Variants in TM2D1 observed in about 807,000 individuals in gnomAD.
TM2D1 encodes TM2 domain-containing protein 1.
Under a neutral mutation model 28.4 loss-of-function variants are expected in TM2D1, and 15 were observed. That is an observed-to-expected ratio of 0.53 (90% CI 0.35 to 0.81). The LOEUF (loss-of-function observed/expected upper bound fraction) is 0.81, where lower values mean the gene tolerates loss of function less well. TM2D1 is among the 40% of genes least tolerant of loss of function. TM2D1 has a pLI of 0.01. For synonymous variants in TM2D1, 93 were observed against 96.2 expected (o/e 0.97, Z 0.20); for missense variants, 236 against 254.9 (o/e 0.93, Z 0.50).
At chr1:61,684,181 T>C (rs938670782) in intron 5 of TM2D1, among the ~76,000 whole-genome samples, 4 of 152,170 alleles carry the variant, frequency 2.6e-5, no homozygotes, top group Non-Finnish European at 5.9e-5. Context: ...TATGTGACAA[T>C]CTAGTTAACA....
intron 4 of TM2D1, chr1:61,696,282 T>C (rs1281158096): frequency 6.6e-6 from 1 of 152,248 alleles, no homozygotes; most frequent in Non-Finnish European, 1.5e-5. Flanking sequence ...CTCATGCCTA[T>C]AATCCCAGCA....
chr1:61,688,424 T>C (rs1644298617), intron 5 of TM2D1, among the ~76,000 whole-genome samples: 1 of 152,158 alleles, frequency 6.6e-6, no homozygotes, highest in East Asian at 1.9e-4. Flanking sequence ...AGATTTGATG[T>C]CTATAAAATG....
rs111364771 is a variant in TM2D1, at chr1:61,696,653, G to A, written c.440-1883C>T. 3.9e-3 allele frequency among the ~76,000 whole-genome samples: 599 copies of A among 152,148 alleles called. 2 individuals are homozygous for A. Among genetic ancestry groups the A allele is most frequent in the African/African-American group, 0.014 (571 of 41,506 alleles). On this transcript the variant is annotated intron_variant, in intron 4 of 6. Transcript: ENST00000606498. ...ATGAAGAATAGGTAATCACATCAGG[G>A]CTTTGGCTTTTTTTGTGCCATTTTC...
chr1:61,704,980 T>TATTGACAA (rs1427493306), intron 3 of TM2D1, among the ~76,000 whole-genome samples: 4 of 152,166 alleles, frequency 2.6e-5, no homozygotes, highest in Admixed American at 2.6e-4. Context: ...TAAACACTCC[T>TATTGACAA]TTGATATATT....
At chr1:61,719,499 T>A (rs536475647) in intron 2 of TM2D1, among the ~76,000 whole-genome samples, 1 of 151,854 alleles carries the variant, frequency 6.6e-6, no homozygotes, top group South Asian at 2.1e-4. Flanking sequence ...TTTTTTGTTT[T>A]TGTTTGTTTT....
chr1:61,689,651 G>A (rs1644309950), intron 5 of TM2D1, among the ~76,000 whole-genome samples: 1 of 152,072 alleles, frequency 6.6e-6, no homozygotes, highest in South Asian at 2.1e-4. Flanking sequence ...GAAACTATAG[G>A]CACTCATCTG....
chr1:61,710,926 T>C (rs1001961833), intron 2 of TM2D1, among the ~76,000 whole-genome samples: 3 of 152,194 alleles, frequency 2.0e-5, no homozygotes, highest in Non-Finnish European at 4.4e-5. Context: ...CTGATAGTTC[T>C]AACTACATTA....
At chr1:61,711,023 GA>G (rs1644474649) in intron 2 of TM2D1, among the ~76,000 whole-genome samples, 1 of 152,084 alleles carries the variant, frequency 6.6e-6, no homozygotes, top group South Asian at 2.1e-4. Context: ...ATAAAACTGA[GA>G]ACCATTTTAA....
chr1:61,723,006 A>G (rs1168030291), intron 2 of TM2D1, among the ~76,000 whole-genome samples: 1 of 152,224 alleles, frequency 6.6e-6, no homozygotes, highest in Non-Finnish European at 1.5e-5. Flanking sequence ...ACTAAAAAGA[A>G]TTTCTATCCC....
intron 3 of TM2D1, among the ~76,000 whole-genome samples, chr1:61,702,280 A>G (rs1644407452): frequency 6.6e-6 from 1 of 152,040 alleles, no homozygotes; most frequent in African/African-American, 2.4e-5. Flanking sequence ...AAAGGAGGAA[A>G]GGATTTGAAG....
chr1:61,720,327 C>T (rs941948609), intron 2 of TM2D1, among the ~76,000 whole-genome samples: 9 of 151,996 alleles, frequency 5.9e-5, no homozygotes, highest in South Asian at 4.1e-4. Flanking sequence ...CTGCAACCTC[C>T]GCCTCCCAGG....
intron 3 of TM2D1, among the ~76,000 whole-genome samples, chr1:61,702,863 T>G (rs887511398): frequency 6.6e-5 from 10 of 151,780 alleles, no homozygotes; most frequent in African/African-American, 1.7e-4. Context: ...CCCAGCACTT[T>G]GGGAGGCTGA....
chr1:61,691,932 A>AAAAAAAATATATATATATATATGT lies in TM2D1; in HGVS notation c.513+2764_513+2765insACATATATATATATATATTTTTTT. On this transcript the variant is annotated intron_variant, in intron 5 of 6. Coordinates refer to ENST00000606498, the MANE Select transcript of TM2D1 (RefSeq NM_032027.3). ...TCTCAAAAAAAACTTAAAAAAAAAA[A>AAAAAAAATATATATATATATATGT]ATATATATATATATATATATATATA... 1.5e-3 allele frequency among the ~76,000 whole-genome samples: 111 copies of AAAAAAAATATATATATATATATGT among 76,404 alleles called. 2 individuals are homozygous for AAAAAAAATATATATATATATATGT. The highest frequency in any genetic ancestry group is 4.9e-3 in the African/African-American group (104 of 21,178). The allele number at this position is 76,404 out of a possible 152,430, so 50.1% of individuals were successfully genotyped here.
intron 6 of TM2D1, 111 bp from the exon 7 acceptor site, chr1:61,681,461 T>G (rs1017122704): frequency 6.6e-6 from 1 of 152,238 alleles, no homozygotes; most frequent in South Asian, 2.1e-4. Context: ...TTTTTTCTCA[T>G]TCTTGGAGCA....
chr1:61,707,750 A>G (rs1046072342), intron 3 of TM2D1, among the ~76,000 whole-genome samples: 2 of 152,250 alleles, frequency 1.3e-5, no homozygotes, highest in Non-Finnish European at 2.9e-5. Context: ...GTCAAAAGAA[A>G]AGAAAGAACG....
At chr1:61,704,138 C>T (rs925143057) in intron 3 of TM2D1, among the ~76,000 whole-genome samples, 13 of 152,096 alleles carry the variant, frequency 8.5e-5, no homozygotes, top group Non-Finnish European at 1.6e-4. Flanking sequence ...GATCTGCCCG[C>T]CTTGGCCTCC....
intron 2 of TM2D1, among the ~76,000 whole-genome samples, chr1:61,719,626 G>A (rs1467410096): frequency 6.6e-6 from 1 of 152,154 alleles, no homozygotes; most frequent in African/African-American, 2.4e-5. Flanking sequence ...CCAAGTAGCT[G>A]GGATTACAGG....
At chr1:61,686,811 T>G in intron 5 of TM2D1, 1 of 973,676 alleles carries the variant, frequency 1.0e-6, no homozygotes, top group Non-Finnish European at 1.2e-6. Context: ...TATCCCATAC[T>G]GGATGGGAGG....
In TM2D1 at chr1:61,694,737, C is replaced by T; in HGVS notation, c.473G>A (p.Gly158Glu). 1 of 1,608,206 alleles carries T rather than the reference C, an allele frequency of 6.2e-7. No individual in the cohort carries two copies. Among genetic ancestry groups the T allele is most frequent in the Non-Finnish European group, 8.5e-7 (1 of 1,177,354 alleles). The change falls in exon 5 of 7, where the codon GGA becomes GAA. Residue 158 changes from glycine to glutamate, a missense_variant. Around this residue, in one of 3 missense-constraint regions of TM2D1, gnomAD observed 64 missense variants for 73.1 expected, o/e 0.88. Transcript: ENST00000606498. ...AATGAAATCAATTAGGCTCCCAATT[C>T]CACAAAACCCTACAGTGCAAAACTT... ...LLKFCTVGFC[G>E]IGSLIDFILI...
Sources: allele counts gnomAD v4.1 joint callset (sites outside exome capture counted in the v4.1 genomes callset), GRCh38; gene constraint gnomAD v4.1.1; regional missense constraint gnomAD v4.1.1; transcripts MANE v1.5; gene names NCBI Gene and HGNC (gene_info 2026-07-23, HGNC 2026-07-21).